COMMD10: variants seen among roughly 807,000 people sequenced by gnomAD.
The protein encoded by COMMD10 is COMM domain-containing protein 10.
Under a neutral mutation model 28.9 loss-of-function variants are expected in COMMD10, and 33 were observed. The ratio of observed to expected loss-of-function variants is 1.14; its 90% CI spans 0.87 to 1.53. The LOEUF (loss-of-function observed/expected upper bound fraction) is 1.53. Ranked by LOEUF, COMMD10 falls within the 40% of genes most tolerant of loss-of-function variation. The pLI is 0.00. For synonymous variants in COMMD10, 110 were observed against 81.7 expected (o/e 1.35, Z -1.87); for missense variants, 310 against 233.4 (o/e 1.33, Z -2.14).
In COMMD10 at chr5:116,292,453, A is replaced by G. The variant is rs894824406; in HGVS notation, c.573A>G (p.Leu191=). ...TTTTTTTTTGTCTTTGTAAATAGCTAGAGACTATACAAGCACAGCTGGATT... is the reference window on the plus strand; with the variant it reads ...TTTTTTTTTGTCTTTGTAAATAGCTGGAGACTATACAAGCACAGCTGGATT... ...HKELFDFYNK[L]ETIQAQLDSL... is the part of the protein sequence containing the mutation. The change falls in exon 7 of 7, where the codon CTA becomes CTG. Residue 191 remains leucine (L), a splice_region_variant and synonymous_variant. Coordinates refer to ENST00000274458, the MANE Select transcript of COMMD10 (RefSeq NM_016144.4). 17 of 1,538,602 alleles carry G rather than the reference A, an allele frequency of 1.1e-5. No homozygotes were observed. Among genetic ancestry groups the G allele is most frequent in the Non-Finnish European group, 1.5e-5 (17 of 1,143,540 alleles).
At chr5:116,256,989 A>G (rs927042641) in intron 5 of COMMD10, among the ~76,000 whole-genome samples, 5 of 151,936 alleles carry the variant, frequency 3.3e-5, no homozygotes, top group East Asian at 3.9e-4. Context: ...ACTAAGCAGC[A>G]TAATAGCATC....
At chr5:116,208,477 A>G (rs1561667864) in intron 5 of COMMD10, among the ~76,000 whole-genome samples, 2 of 152,062 alleles carry the variant, frequency 1.3e-5, no homozygotes, top group South Asian at 2.1e-4. Context: ...CTCCTTGTAC[A>G]TGTTGCTAAT....
intron 5 of COMMD10, among the ~76,000 whole-genome samples, chr5:116,238,608 T>G (rs1749737991): frequency 6.6e-6 from 1 of 152,158 alleles, no homozygotes; most frequent in East Asian, 1.9e-4. Flanking sequence ...ACAATTGGTT[T>G]TGAAAATTAA....
chr5:116,184,024 T>G (rs1748059315), intron 5 of COMMD10, among the ~76,000 whole-genome samples: 1 of 152,162 alleles, frequency 6.6e-6, no homozygotes, highest in African/African-American at 2.4e-5. Flanking sequence ...ATAATCCAGT[T>G]AACTATGTTG....
At chr5:116,279,702 T>C (rs1252952120) in intron 5 of COMMD10, among the ~76,000 whole-genome samples, 2 of 151,912 alleles carry the variant, frequency 1.3e-5, no homozygotes, top group African/African-American at 4.9e-5. Context: ...TTGGCAATGG[T>C]ATTGCATTGA....
intron 4 of COMMD10, among the ~76,000 whole-genome samples, chr5:116,104,305 T>C (rs1750763073): frequency 6.6e-6 from 1 of 152,218 alleles, no homozygotes; most frequent in Non-Finnish European, 1.5e-5. Flanking sequence ...CATTTGTTTG[T>C]GTCCTCTCTT....
intron 4 of COMMD10, among the ~76,000 whole-genome samples, chr5:116,094,230 C>T (rs780347348): frequency 7.9e-5 from 12 of 152,104 alleles, no homozygotes; most frequent in Non-Finnish European, 7.4e-5. Flanking sequence ...AAAATGAAGA[C>T]ACAACCTGAC....
intron 4 of COMMD10, among the ~76,000 whole-genome samples, chr5:116,099,145 C>T (rs1750566547): frequency 6.6e-6 from 1 of 152,152 alleles, no homozygotes; most frequent in Non-Finnish European, 1.5e-5. Flanking sequence ...TACCCCATCC[C>T]CAGGCAACTA....
At chr5:116,110,505 G>A (rs537429194) in intron 4 of COMMD10, among the ~76,000 whole-genome samples, 1 of 152,010 alleles carries the variant, frequency 6.6e-6, no homozygotes. Context: ...TGCGTTTTTG[G>A]GGGGAAGATT....
At chr5:116,237,595 A>C (rs73780900) in intron 5 of COMMD10, among the ~76,000 whole-genome samples, 16,546 of 152,090 alleles carry the variant, frequency 0.11, 1,339 homozygotes, top group African/African-American at 0.22. Context: ...GGATCACTGG[A>C]GCGCAAAAGT....
chr5:116,123,403 AT>A (rs2112755191), intron 4 of COMMD10, among the ~76,000 whole-genome samples: 1 of 152,298 alleles, frequency 6.6e-6, no homozygotes, highest in East Asian at 1.9e-4. Context: ...CCAGCCTTGT[AT>A]CCCAGGGATG....
Position 116,172,073 on chromosome 5 carries a change from GC to G in COMMD10, c.510+37896del, listed in dbSNP as rs1240023506. On this transcript the variant is annotated intron_variant, in intron 5 of 6. Coordinates refer to ENST00000274458, the MANE Select transcript of COMMD10 (RefSeq NM_016144.4). ...GATTTTGCTTAGTGGTATGTCCAGA[GC>G]TTACAGAAGAATAACCAAAGGCTGG... Among the ~76,000 whole-genome samples, 4 of 152,218 alleles carry G rather than the reference GC, an allele frequency of 2.6e-5. No individual in the cohort carries two copies. In the South Asian group the frequency reaches 8.3e-4, roughly 32 times the overall value.
chr5:116,289,954 G>C lies in COMMD10; in HGVS notation c.511-1563G>C, dbSNP rs969099615. 1.5e-4 allele frequency among the ~76,000 whole-genome samples: 23 copies of C among 151,936 alleles called. 1 individual carries two copies. Among genetic ancestry groups the C allele is most frequent in the African/African-American group, 5.3e-4 (22 of 41,276 alleles). On this transcript the variant is annotated intron_variant, in intron 5 of 6. Transcript: ENST00000274458. ...TTCTTTTAAGAAGTATGTTTTCGAA[G>C]TTACATTTCTTCTCTTTCCTCAATG...
chr5:116,209,818 A>G (rs1748912863), intron 5 of COMMD10, among the ~76,000 whole-genome samples: 1 of 152,138 alleles, frequency 6.6e-6, no homozygotes, highest in Non-Finnish European at 1.5e-5. Context: ...AGATATTGTC[A>G]GCTACTCATT....
rs545800957 is a variant in COMMD10, at chr5:116,289,588, C to T, written c.511-1929C>T. On this transcript the variant is annotated intron_variant, in intron 5 of 6. Coordinates refer to ENST00000274458, the MANE Select transcript of COMMD10 (RefSeq NM_016144.4). Reference sequence around the variant, plus strand: ...CTTTAATTAATACAGAAACCAGTTCCTTGGGAATCCCCCAGAAAGCCAGAA... The same window carrying T: ...CTTTAATTAATACAGAAACCAGTTCTTTGGGAATCCCCCAGAAAGCCAGAA... Among the ~76,000 whole-genome samples the T allele has an allele frequency of 2.0e-5, 3 of 151,966 alleles. No homozygotes were observed. In the South Asian group the frequency reaches 6.2e-4, roughly 32 times the overall value.
chr5:116,181,040 G>T (rs970523193), intron 5 of COMMD10, among the ~76,000 whole-genome samples: 1 of 152,024 alleles, frequency 6.6e-6, no homozygotes, highest in Non-Finnish European at 1.5e-5. Context: ...GCTACTTGGT[G>T]GGCTAAGGTG....
At chr5:116,236,499 C>T (rs1443356368) in intron 5 of COMMD10, among the ~76,000 whole-genome samples, 12 of 124,430 alleles carry the variant, frequency 9.6e-5, no homozygotes, top group Admixed American at 8.1e-4. Context: ...AGCAAGACTC[C>T]GTCTCAAAAA....
At chr5:116,188,869 G>A (rs7718483) in intron 5 of COMMD10, among the ~76,000 whole-genome samples, 47,633 of 151,978 alleles carry the variant, frequency 0.31, 10,354 homozygotes, top group African/African-American at 0.62. Flanking sequence ...AGTTCAAGCA[G>A]TTCACCCACC....
At chr5:116,160,187 G>A in intron 5 of COMMD10, among the ~76,000 whole-genome samples, 1 of 152,192 alleles carries the variant, frequency 6.6e-6, no homozygotes, top group East Asian at 1.9e-4. Flanking sequence ...ACTAGAAATA[G>A]AGATATGGGA....
Sources: gnomAD v4.1 joint callset for allele counts (sites outside exome capture counted in the v4.1 genomes callset) on GRCh38, gnomAD v4.1.1 for gene constraint, MANE v1.5 for transcripts, NCBI Gene and HGNC (gene_info 2026-07-23, HGNC 2026-07-21) for gene names.